Variants in PDPR observed in about 807,000 individuals in gnomAD.
The protein encoded by PDPR is pyruvate dehydrogenase phosphatase regulatory subunit.
A neutral mutation model predicts 102.2 loss-of-function variants in PDPR; 50 were observed. The observed-to-expected ratio is 0.49, with a 90% CI of 0.39 to 0.62. PDPR has a LOEUF of 0.62. Among genes scored for constraint, PDPR ranks in the 20% least tolerant of loss-of-function variants. The pLI, the probability that PDPR is intolerant of heterozygous loss-of-function variation, is 0.00. For missense variants in PDPR, 625 were observed against 1,098.2 expected (o/e 0.57, Z 6.09); for synonymous variants, 259 against 406.0 (o/e 0.64, Z 4.35).
At chr16:70,140,804 G>T (rs1426607208) in intron 11 of PDPR, among the ~76,000 whole-genome samples, 1 of 152,130 alleles carries the variant, frequency 6.6e-6, no homozygotes, top group African/African-American at 2.4e-5. Flanking sequence ...GATAGAGAGG[G>T]ATTCCATCTC....
intron 11 of PDPR, among the ~76,000 whole-genome samples, chr16:70,140,141 G>A (rs542806839): frequency 1.3e-5 from 2 of 152,324 alleles, no homozygotes; most frequent in East Asian, 1.9e-4. Context: ...TTTGAGACCA[G>A]CCTAGGCAAC....
At chr16:70,145,624 T>C (rs1287755570) in intron 15 of PDPR, 3 of 418,908 alleles carry the variant, frequency 7.2e-6, no homozygotes, top group African/African-American at 4.1e-5. Context: ...TGCTCCTGGA[T>C]TGGGATACTA....
intron 3 of PDPR, among the ~76,000 whole-genome samples, chr16:70,122,854 TACACACAC>T (rs71151173): frequency 1.4e-5 from 2 of 145,614 alleles, no homozygotes; most frequent in African/African-American, 2.5e-5. Flanking sequence ...TATACACACA[TACACACAC>T]ACACACCAGT....
chr16:70,118,057 C>T (rs1338987949), intron 2 of PDPR, among the ~76,000 whole-genome samples: 1 of 150,172 alleles, frequency 6.7e-6, no homozygotes, highest in Admixed American at 6.7e-5. Context: ...CACACCGCTG[C>T]ACTCCCAGCT....
chr16:70,120,199 G>A (rs1963089689), intron 2 of PDPR: 2 of 345,494 alleles, frequency 5.8e-6, no homozygotes, highest in East Asian at 7.0e-5. Context: ...ACAGGTGTGA[G>A]CCACTGCGCC....
intron 18 of PDPR, among the ~76,000 whole-genome samples, chr16:70,153,785 C>G (rs1320423685): frequency 6.6e-6 from 1 of 152,290 alleles, no homozygotes; most frequent in Admixed American, 6.5e-5. Context: ...GTGGCTCACG[C>G]CTGAATCCCA....
rs1410941840 is a variant in PDPR, at chr16:70,127,250, C to T, written c.228-10C>T. 3 of 1,580,448 alleles carry T rather than the reference C, an allele frequency of 1.9e-6. No individual in the cohort carries two copies. The highest frequency in any genetic ancestry group is 2.6e-6 in the Non-Finnish European group (3 of 1,165,368). On this transcript the variant is annotated splice_polypyrimidine_tract_variant and intron_variant, in intron 3 of 18. Transcript: ENST00000288050. ...AATCTACCTAATAGCATTTTGCATC[C>T]ATCCTGCAGGCTGGCTGCTGGCTCT...
In PDPR at chr16:70,136,219, G is replaced by C. The variant is rs748761290; in HGVS notation, c.1023G>C (p.Arg341Ser). 14 of 1,604,522 alleles carry C rather than the reference G, an allele frequency of 8.7e-6. No individual in the cohort carries two copies. The highest frequency in any genetic ancestry group is 3.3e-4 in the Middle Eastern group (2 of 6,028). Residue 341 changes from arginine (R) to serine (S), a missense_variant, in exon 10 of 19, where the codon AGG (arginine) becomes AGC (serine). Transcript: ENST00000288050. Reference protein sequence around the residue: ...HFEPLLSSLLRRMPELETLEI... With the variant: ...HFEPLLSSLLSRMPELETLEI... ...AGCCTCTGTTGAGTTCCCTTCTGAG[G>C]AGGATGCCAGAATTAGAGACTCTGG...
At chr16:70,151,151 G>T (rs1409695351) in intron 17 of PDPR, among the ~76,000 whole-genome samples, 2 of 152,232 alleles carry the variant, frequency 1.3e-5, no homozygotes. Flanking sequence ...GGCCAGGATG[G>T]TCTCAATCGC....
chr16:70,128,375 GCAC>G (rs1219547354), intron 4 of PDPR, among the ~76,000 whole-genome samples: 1 of 152,230 alleles, frequency 6.6e-6, no homozygotes, highest in Non-Finnish European at 1.5e-5. Context: ...TTACAGGCGT[GCAC>G]CACCACACCT....
In PDPR at chr16:70,158,295, G is replaced by A. The variant is rs1410699489; in HGVS notation, c.*1416G>A. ...TGCCCTAATCTGACTTTTTTTAAGT[G>A]CAAATAAACTGCTATAAGACATTTT... On this transcript the variant is annotated 3_prime_UTR_variant, in exon 19 of 19. Coordinates refer to ENST00000288050, the MANE Select transcript of PDPR (RefSeq NM_017990.5). 1 of 152,424 alleles carries A rather than the reference G, an allele frequency of 6.6e-6. No individual in the cohort carries two copies. Among genetic ancestry groups the A allele is most frequent in the Non-Finnish European group, 1.5e-5 (1 of 68,142 alleles). The allele number at this position is 152,424 out of a possible 1,614,324, so 9.4% of individuals were successfully genotyped here. A position where few individuals can be genotyped will look rare whatever the true frequency, so the allele number is the denominator to read the frequency against.
In PDPR at chr16:70,156,657, C is replaced by T. The variant is rs372528820; in HGVS notation, c.2418C>T (p.Tyr806=). ...VGKTTSSAYS[Y]SLERHVCLGF... Reference sequence around the variant, plus strand: ...AGACCACCAGCAGTGCCTACAGCTACAGCCTGGAGCGCCACGTTTGCCTGG... The same window carrying T: ...AGACCACCAGCAGTGCCTACAGCTATAGCCTGGAGCGCCACGTTTGCCTGG... The change falls in exon 19 of 19, where the codon TAC becomes TAT. Residue 806 remains tyrosine (Y), a synonymous_variant. Coordinates refer to ENST00000288050, the MANE Select transcript of PDPR (RefSeq NM_017990.5). 4 of 1,614,108 alleles carry T rather than the reference C, an allele frequency of 2.5e-6. No homozygotes were observed. The highest frequency in any genetic ancestry group is 3.4e-6 in the Non-Finnish European group (4 of 1,179,910).
chr16:70,137,104 G>A lies in PDPR; in HGVS notation c.1190+718G>A, dbSNP rs1368034331. Among the ~76,000 whole-genome samples, 4 of 152,066 alleles carry A rather than the reference G, an allele frequency of 2.6e-5. No homozygotes were observed. The South Asian group carries it at 6.2e-4, about 24-fold the overall frequency. On this transcript the variant is annotated intron_variant, in intron 10 of 18. Coordinates refer to ENST00000288050, the MANE Select transcript of PDPR (RefSeq NM_017990.5). ...GCAGTGGCTCACGCTTGTAATCCCA[G>A]CACTTTGGGAGGCCGAGGTGGGCGG...
chr16:70,156,972 C>G lies in PDPR; in HGVS notation c.*93C>G. Reference sequence around the variant, plus strand: ...TCTTCCTTCCGCCTCTGTTCCTCTTCTGGAGCCTTTGCCTCCCATCTCTTA... The same window carrying G: ...TCTTCCTTCCGCCTCTGTTCCTCTTGTGGAGCCTTTGCCTCCCATCTCTTA... On this transcript the variant is annotated 3_prime_UTR_variant, in exon 19 of 19. Transcript: ENST00000288050. 2 of 1,514,278 alleles carry G rather than the reference C, an allele frequency of 1.3e-6. No individual in the cohort carries two copies. The highest frequency in any genetic ancestry group is 1.8e-6 in the Non-Finnish European group (2 of 1,111,250). The allele number at this position is 1,514,278 out of a possible 1,614,324, so 93.8% of individuals were successfully genotyped here.
intron 14 of PDPR, among the ~76,000 whole-genome samples, chr16:70,143,920 C>T (rs1174829128): frequency 6.6e-6 from 1 of 151,696 alleles, no homozygotes; most frequent in Non-Finnish European, 1.5e-5. Context: ...GAGACAGGGT[C>T]TCACTTTGTT....
chr16:70,143,744 C>T (rs1227400032), intron 14 of PDPR, 86 bp downstream of exon 14: 19 of 1,504,856 alleles, frequency 1.3e-5, no homozygotes, highest in East Asian at 7.0e-5. Flanking sequence ...GGCGCTTCTC[C>T]GGGAACCATA....
In PDPR at chr16:70,122,867, A is replaced by ACACACACACACACACACACACACC. The variant is rs1335568650; in HGVS notation, c.227+2149_227+2150insACACACACACACACACACACACCC. Among the ~76,000 whole-genome samples, 5 of 151,270 alleles carry ACACACACACACACACACACACACC rather than the reference A, an allele frequency of 3.3e-5. 1 individual carries two copies. Among genetic ancestry groups the ACACACACACACACACACACACACC allele is most frequent in the Admixed American group, 6.6e-5 (1 of 15,188 alleles). On this transcript the variant is annotated intron_variant, in intron 3 of 18. Transcript: ENST00000288050. ...TGTATACACACATACACACACACAC[A>ACACACACACACACACACACACACC]CCAGTTTAGACTCATGGATTTCTAT...
chr16:70,130,066 G>A (rs1382405040), intron 6 of PDPR, among the ~76,000 whole-genome samples: 2 of 152,256 alleles, frequency 1.3e-5, no homozygotes, highest in Admixed American at 1.3e-4. Flanking sequence ...GCCAAGGCAG[G>A]CGGATCACCT....
intron 9 of PDPR, among the ~76,000 whole-genome samples, chr16:70,135,373 G>A (rs544241880): frequency 5.3e-4 from 80 of 152,278 alleles, no homozygotes; most frequent in Middle Eastern, 6.8e-3. Context: ...AGTAGCTGGG[G>A]TTACAGGCTT....
Sources: gnomAD v4.1 joint callset for allele counts (sites outside exome capture counted in the v4.1 genomes callset) on GRCh38, gnomAD v4.1.1 for gene constraint, MANE v1.5 for transcripts, NCBI Gene and HGNC (gene_info 2026-07-23, HGNC 2026-07-21) for gene names.